Variants in WSCD1 observed in about 807,000 individuals in gnomAD.
The protein encoded by WSCD1 is WSC domain sialate O sulfotransferase 1.
Under a neutral mutation model 60.4 loss-of-function variants are expected in WSCD1, and 41 were observed. The observed-to-expected ratio is 0.68, with a 90% CI of 0.53 to 0.88. The LOEUF is 0.88. Ranked by LOEUF, WSCD1 falls within the 40% of genes least tolerant of loss-of-function variation. The probability of loss-of-function intolerance (pLI) is 0.00; values close to 1 mark genes in which losing one functional copy is unlikely to be tolerated. For missense variants in WSCD1, 784 were observed against 796.2 expected, an observed-to-expected ratio of 0.98 and a Z score of 0.18; for synonymous variants, 361 against 332.5, an observed-to-expected ratio of 1.09 and a Z score of -0.93.
intron 7 of WSCD1, among the ~76,000 whole-genome samples, chr17:6,116,398 G>A (rs1181569529): frequency 7.4e-6 from 1 of 134,462 alleles, no homozygotes; most frequent in Non-Finnish European, 1.6e-5. Flanking sequence ...CTGACAGAGT[G>A]ATCACACACA....
At chr17:6,084,462 G>A (rs771198730) in intron 2 of WSCD1, among the ~76,000 whole-genome samples, 8 of 152,212 alleles carry the variant, frequency 5.3e-5, no homozygotes, top group African/African-American at 9.6e-5. Flanking sequence ...CAAACAAAGC[G>A]GGTGTCTCTT....
intron 5 of WSCD1, among the ~76,000 whole-genome samples, chr17:6,097,040 TCAA>T (rs386794893): frequency 0.017 from 2,578 of 152,360 alleles, 69 homozygotes; most frequent in African/African-American, 0.054. Context: ...CTGAGAGCCC[TCAA>T]ACACAGGCAC....
intron 4 of WSCD1, among the ~76,000 whole-genome samples, chr17:6,094,569 A>C (rs749534491): frequency 2.0e-5 from 3 of 148,608 alleles, no homozygotes; most frequent in Non-Finnish European, 4.5e-5. Context: ...GGAAGGAAGG[A>C]AAAGGAAGGA....
At chr17:6,097,948 C>G (rs1398556669) in intron 5 of WSCD1, among the ~76,000 whole-genome samples, 1 of 126,072 alleles carries the variant, frequency 7.9e-6, no homozygotes, top group Non-Finnish European at 1.6e-5. Context: ...CCAGAGAGTT[C>G]TTTCTTTTTT....
chr17:6,123,460 C>T lies in WSCD1; in HGVS notation c.*2799C>T, dbSNP rs373411955. 6.6e-6 allele frequency: 1 copy of T among 152,286 alleles called. No homozygotes were observed. Among genetic ancestry groups the T allele is most frequent in the Non-Finnish European group, 1.5e-5 (1 of 68,028 alleles). The allele number at this position is 152,286 out of a possible 1,614,324, so 9.4% of individuals were successfully genotyped here. A position where few individuals can be genotyped will look rare whatever the true frequency, so the allele number is the denominator to read the frequency against. On this transcript the variant is annotated 3_prime_UTR_variant, in exon 9 of 9. Coordinates refer to ENST00000317744, the MANE Select transcript of WSCD1 (RefSeq NM_015253.2). ...GAAGAAAGCTGCTTAATTATGTGAA[C>T]ATCTTATAATGAAGTCTCTTGCAGC...
chr17:6,118,027 C>G lies in WSCD1; in HGVS notation c.1214C>G (p.Thr405Ser). Residue 405 changes from threonine to serine, a missense_variant, in exon 8 of 9, where the codon ACC becomes AGC. Physicochemically the swap from Thr to Ser is moderately conservative, Grantham distance 58 (BLOSUM62 1). Transcript: ENST00000317744. The surrounding 1 kb of genome is among the most constrained non-coding windows in gnomAD (Gnocchi z 5.8). ...AAGGACCACTGGCGGAGCCGACGCA[C>G]CATCTGTGTCAAAACCCACGAGAGT... ...GEKDHWRSRR[T>S]ICVKTHESGR... 6.2e-7 allele frequency: 1 copy of G among 1,614,186 alleles called. No homozygotes were observed. Among genetic ancestry groups the G allele is most frequent in the Non-Finnish European group, 8.5e-7 (1 of 1,180,034 alleles).
At chr17:6,108,605 C>T (rs1290723392) in intron 5 of WSCD1, among the ~76,000 whole-genome samples, 2 of 152,170 alleles carry the variant, frequency 1.3e-5, no homozygotes, top group South Asian at 2.1e-4. Flanking sequence ...ATGCCAGGCC[C>T]GGTGCTGGGC....
chr17:6,083,139 A>G (rs2098259569), intron 2 of WSCD1, among the ~76,000 whole-genome samples: 1 of 152,204 alleles, frequency 6.6e-6, no homozygotes, highest in South Asian at 2.1e-4. Flanking sequence ...AGGTTTTATC[A>G]GTGAAACTTC....
intron 6 of WSCD1, 146 bp downstream of exon 6, chr17:6,109,912 G>A: frequency 8.7e-7 from 1 of 1,147,492 alleles, no homozygotes; most frequent in Non-Finnish European, 1.2e-6. Context: ...CTTGATGGGT[G>A]TTGGAGATAA....
intron 7 of WSCD1, among the ~76,000 whole-genome samples, chr17:6,117,230 G>A (rs1904342213): frequency 6.6e-6 from 1 of 152,202 alleles, no homozygotes; most frequent in African/African-American, 2.4e-5. Flanking sequence ...AGGGACCAAG[G>A]AAAGAGAGGG....
Position 6,120,989 on chromosome 17 carries a change from G to A in WSCD1, c.*328G>A, listed in dbSNP as rs1904660996. The A allele has an allele frequency of 2.9e-6, 1 of 346,718 alleles. No homozygotes were observed. The highest frequency in any genetic ancestry group is 5.4e-6 in the Non-Finnish European group (1 of 186,666). 21.5% of individuals were successfully genotyped at this position (346,718 alleles called of 1,614,324 possible). A position where few individuals can be genotyped will look rare whatever the true frequency, so the allele number is the denominator to read the frequency against. On this transcript the variant is annotated 3_prime_UTR_variant, in exon 9 of 9. Coordinates refer to ENST00000317744, the MANE Select transcript of WSCD1 (RefSeq NM_015253.2). The stretch of plus-strand genomic sequence containing the variant: ...CCAGATACAAATGCAGCCACGCACA[G>A]ACGTAACACACAGGTGCCAGGCCGT...
Position 6,110,654 on chromosome 17 carries a change from G to T in WSCD1, c.1010-117G>T. On this transcript the variant is annotated intron_variant, in intron 6 of 8. Coordinates refer to ENST00000317744, the MANE Select transcript of WSCD1 (RefSeq NM_015253.2). The surrounding 1 kb of genome is among the most constrained non-coding windows in gnomAD (Gnocchi z 4.8). ...GATCTCTTCCCTTCTTTGGGCCTTG[G>T]TTCCCCCATCTATTAAATGGGAGTC... The T allele has an allele frequency of 7.4e-7, 1 of 1,349,036 alleles. No individual in the cohort carries two copies. The highest frequency in any genetic ancestry group is 1.4e-5 in the South Asian group (1 of 68,980). 83.6% of individuals were successfully genotyped at this position (1,349,036 alleles called of 1,614,324 possible).
intron 6 of WSCD1, 51 bp downstream of exon 6, chr17:6,109,817 A>T: frequency 1.3e-6 from 2 of 1,586,952 alleles, no homozygotes; most frequent in Non-Finnish European, 1.7e-6. Context: ...GGGGGTGGGG[A>T]GAGCTTCCAG....
intron 4 of WSCD1, among the ~76,000 whole-genome samples, chr17:6,091,836 C>A (rs1432480079): frequency 1.3e-5 from 2 of 152,118 alleles, no homozygotes; most frequent in Non-Finnish European, 2.9e-5. Context: ...CGGATTAGTT[C>A]AAGAATGGGG....
intron 5 of WSCD1, among the ~76,000 whole-genome samples, chr17:6,108,963 CA>C (rs1383277269): frequency 1.3e-5 from 2 of 152,230 alleles, no homozygotes; most frequent in African/African-American, 4.8e-5. Flanking sequence ...CCACCCCTTC[CA>C]TCTTTGGAAA....
chr17:6,081,370 T>A (rs1176419585), intron 2 of WSCD1, among the ~76,000 whole-genome samples: 1 of 147,558 alleles, frequency 6.8e-6, no homozygotes, highest in Admixed American at 6.7e-5. Context: ...TGGCCAACAA[T>A]TTTTTTTTTT....
rs1465583411 is a variant in WSCD1 at position 6,120,568 on chromosome 17, G to C, written c.1635G>C (p.Met545Ile). The change falls in exon 9 of 9, where the codon ATG (methionine) becomes ATC (isoleucine). Residue 545 changes from methionine to isoleucine, a missense_variant. Physicochemically the swap from Met to Ile is conservative, Grantham distance 10. Coordinates refer to ENST00000317744, the MANE Select transcript of WSCD1 (RefSeq NM_015253.2). ...SHDPEPFTPE[M>I]KDLINGYIRT... Reference sequence around the variant, plus strand: ...ACCCTGAGCCCTTCACCCCGGAGATGAAAGACTTGATCAATGGCTACATCC... The same window carrying C: ...ACCCTGAGCCCTTCACCCCGGAGATCAAAGACTTGATCAATGGCTACATCC... The C allele has an allele frequency of 1.9e-6, 3 of 1,613,650 alleles. No individual in the cohort carries two copies. The highest frequency in any genetic ancestry group is 2.5e-6 in the Non-Finnish European group (3 of 1,180,008).
chr17:6,090,863 T>G (rs1909990165), intron 4 of WSCD1, among the ~76,000 whole-genome samples: 1 of 152,026 alleles, frequency 6.6e-6, no homozygotes, highest in Non-Finnish European at 1.5e-5. Context: ...GACCTAGATT[T>G]CTTTCTTTTT....
intron 5 of WSCD1, among the ~76,000 whole-genome samples, chr17:6,097,596 A>AT (rs1910526282): frequency 6.6e-6 from 1 of 152,190 alleles, no homozygotes; most frequent in Non-Finnish European, 1.5e-5. Context: ...CCTATAATTT[A>AT]TTTAACCAGT....
Sources: gnomAD v4.1 joint callset for allele counts (sites outside exome capture counted in the v4.1 genomes callset) on GRCh38, gnomAD v4.1.1 for gene constraint, Gnocchi (gnomAD v3.1) non-coding constraint, MANE v1.5 for transcripts, NCBI Gene and HGNC (gene_info 2026-07-23, HGNC 2026-07-21) for gene names.